The following DNAH10 variants were observed in gnomAD, a reference collection of about 807,000 sequenced individuals.
The protein encoded by DNAH10 is dynein axonemal heavy chain 10, also known as axonemal beta dynein heavy chain 10.
Under a neutral mutation model 506.6 loss-of-function variants are expected in DNAH10, and 348 were observed. The ratio of observed to expected loss-of-function variants is 0.69; its 90% CI spans 0.63 to 0.75. The LOEUF (loss-of-function observed/expected upper bound fraction) is 0.75, where lower values mean the gene tolerates loss of function less well. Among genes scored for constraint, DNAH10 ranks in the 30% least tolerant of loss-of-function variants. The probability of loss-of-function intolerance (pLI) is 0.00; values close to 1 mark genes in which losing one functional copy is unlikely to be tolerated. For missense variants in DNAH10, 5,179 were observed against 5,787.1 expected (o/e 0.89, Z 3.41); for synonymous variants, 2,059 against 2,198.6 (o/e 0.94, Z 1.78).
rs370366020 is a variant in DNAH10 at position 123,913,356 on chromosome 12, C to G, written c.10352+41C>G. The G allele has an allele frequency of 1.3e-6, 2 of 1,514,004 alleles. No homozygotes were observed. The highest frequency in any genetic ancestry group is 1.8e-6 in the Non-Finnish European group (2 of 1,127,330). 93.8% of individuals were successfully genotyped at this position (1,514,004 alleles called of 1,614,324 possible). On this transcript the variant is annotated intron_variant, in intron 60 of 78. Coordinates refer to ENST00000673944, the MANE Select transcript of DNAH10 (RefSeq NM_001372106.1). This position sits in a 1 kb window ranked among gnomAD's most constrained non-coding sequence, Gnocchi z 5.1. The stretch of plus-strand genomic sequence containing the variant: ...GAGCCCACCTGTTGCGGTTTGTAAA[C>G]GGACGTCACCCACAGAGTTTCTCGC...
intron 26 of DNAH10, 80 bp downstream of exon 26, chr12:123,830,779 C>CA: frequency 1.7e-6 from 2 of 1,158,888 alleles, no homozygotes; most frequent in Non-Finnish European, 2.3e-6. Flanking sequence ...CTCATCTATA[C>CA]TAAAAAAAAA....
At position 123,918,736 on chromosome 12, in the gene DNAH10, G is replaced by T. The variant is rs1378330635; in HGVS notation, c.11293G>T (p.Gly3765Cys). Residue 3765 changes from glycine (G) to cysteine (C), a missense_variant, in exon 65 of 79, where the codon GGC (glycine) becomes TGC (cysteine). Physicochemically the swap from Gly to Cys is radical, Grantham distance 159. This residue lies in a region of DNAH10 where 4,844 missense variants were observed against 5,430.5 expected (regional missense o/e 0.89). Coordinates refer to ENST00000673944, the MANE Select transcript of DNAH10 (RefSeq NM_001372106.1). ...CTTGGACATCGACAGGCTGCGGGAT[G>T]GCTACCGGCCAGCAGCCAGGAGGGG... ...TALDIDRLRD[G>C]YRPAARRGAI... The T allele has an allele frequency of 6.3e-7, 1 of 1,599,800 alleles. No individual in the cohort carries two copies. Among genetic ancestry groups the T allele is most frequent in the South Asian group, 1.1e-5 (1 of 90,246 alleles).
At chr12:123,803,972 C>A in intron 17 of DNAH10, 147 bp downstream of exon 17, 1 of 734,592 alleles carries the variant, frequency 1.4e-6, no homozygotes, top group Non-Finnish European at 2.1e-6. Flanking sequence ...TGCTCTCAGT[C>A]ATTTACTTGA....
At chr12:123,874,265 G>A (rs543826822) in intron 46 of DNAH10, among the ~76,000 whole-genome samples, 3,478 of 145,568 alleles carry the variant, frequency 0.024, 73 homozygotes, top group African/African-American at 0.062. Flanking sequence ...GAGTCCGTCC[G>A]TCCATCCATC....
chr12:123,784,408 A>T (rs1957774822), intron 8 of DNAH10, among the ~76,000 whole-genome samples: 1 of 152,076 alleles, frequency 6.6e-6, no homozygotes, highest in African/African-American at 2.4e-5. Flanking sequence ...TTAGCTGGGT[A>T]TGGTGGTGTG....
intron 72 of DNAH10, 92 bp from the exon 73 acceptor site, chr12:123,930,310 C>CT: frequency 3.1e-6 from 4 of 1,302,504 alleles, no homozygotes; most frequent in Non-Finnish European, 4.1e-6. Flanking sequence ...GCTGGAGTCT[C>CT]TTGACCCTGG....
At chr12:123,803,287 T>G (rs1013232814) in intron 16 of DNAH10, among the ~76,000 whole-genome samples, 5 of 152,212 alleles carry the variant, frequency 3.3e-5, no homozygotes, top group African/African-American at 1.2e-4. Flanking sequence ...ACTGTTCATG[T>G]TCTTGCTGTT....
chr12:123,894,607 C>T (rs1376792362), intron 53 of DNAH10, 36 bp from the exon 54 acceptor site: 2 of 1,593,728 alleles, frequency 1.3e-6, no homozygotes, highest in East Asian at 2.2e-5. Flanking sequence ...ATTGCCCAGG[C>T]TGGGAGCATC....
In DNAH10 at chr12:123,859,200, G is replaced by A. The variant is rs1265813129; in HGVS notation, c.6681G>A (p.Thr2227=). ...AGACCATGTTAACCCGCCACACGAC[G>A]ATGGTGGTGGGGCCCACCAGAGGGG... ...MFETMLTRHT[T]MVVGPTRGGK... The change falls in exon 38 of 79, where the codon ACG becomes ACA. Residue 2227 remains threonine, a synonymous_variant. Transcript: ENST00000673944. 2.5e-6 allele frequency: 4 copies of A among 1,612,332 alleles called. No individual in the cohort carries two copies. The highest frequency in any genetic ancestry group is 1.7e-5 in the Admixed American group (1 of 59,712).
Position 123,808,940 on chromosome 12 carries a change from T to C in DNAH10, c.3131T>C (p.Val1044Ala). The change falls in exon 19 of 79, where the codon GTG (valine) becomes GCG (alanine). Residue 1044 changes from valine (V) to alanine (A), a missense_variant. Physicochemically the swap from Val to Ala is moderately conservative, Grantham distance 64 (BLOSUM62 0). Transcript: ENST00000673944. Reference sequence around the variant, plus strand: ...TGCTTCCATTGTGTCCGGAATTGCGTGGAGATCACCAAGGTGAGAGCGGAG... The same window carrying C: ...TGCTTCCATTGTGTCCGGAATTGCGCGGAGATCACCAAGGTGAGAGCGGAG... The part of the protein sequence containing the change: ...KMCFHCVRNC[V>A]EITKHFVRWM... The C allele has an allele frequency of 1.2e-6, 2 of 1,614,066 alleles. No individual in the cohort carries two copies. Among genetic ancestry groups the C allele is most frequent in the Non-Finnish European group, 1.7e-6 (2 of 1,179,994 alleles).
chr12:123,916,074 CAGGGAGCAAAT>C lies in DNAH10; in HGVS notation c.10723-381_10723-371del, dbSNP rs1468057982. On this transcript the variant is annotated intron_variant, in intron 62 of 78. Coordinates refer to ENST00000673944, the MANE Select transcript of DNAH10 (RefSeq NM_001372106.1). The surrounding 1 kb of genome is among the most constrained non-coding windows in gnomAD (Gnocchi z 4.6). ...GCCTCCAAAATGCACATGGAGCTAT[CAGGGAGCAAAT>C]ACTATGAGGGCAGGAACTTTTCTAG... is the stretch of plus-strand genomic sequence containing the variant. 5.9e-5 allele frequency among the ~76,000 whole-genome samples: 9 copies of C among 152,278 alleles called. No individual in the cohort carries two copies. Among genetic ancestry groups the C allele is most frequent in the African/African-American group, 2.2e-4 (9 of 41,554 alleles).
rs1000516129 is a variant in DNAH10 at position 123,903,998 on chromosome 12, G to T, written c.9815+885G>T. On this transcript the variant is annotated intron_variant, in intron 57 of 78. Coordinates refer to ENST00000673944, the MANE Select transcript of DNAH10 (RefSeq NM_001372106.1). The surrounding 1 kb of genome is among the most constrained non-coding windows in gnomAD (Gnocchi z 4.6). ...CATTCTGGGCTCCCGCTGGAGCGGTGCATGTTCCCTGTGCTTCCTATTTCT... is the reference window on the plus strand; with the variant it reads ...CATTCTGGGCTCCCGCTGGAGCGGTTCATGTTCCCTGTGCTTCCTATTTCT... 1.3e-5 allele frequency among the ~76,000 whole-genome samples: 2 copies of T among 152,230 alleles called. No individual in the cohort carries two copies. The highest frequency in any genetic ancestry group is 2.4e-5 in the African/African-American group (1 of 41,452).
chr12:123,870,610 G>T, intron 44 of DNAH10, 125 bp downstream of exon 44: 1 of 1,362,878 alleles, frequency 7.3e-7, no homozygotes, highest in Non-Finnish European at 9.8e-7. Flanking sequence ...TGGTAGAGAA[G>T]AATTGAAGAG....
At chr12:123,803,518 G>A in intron 16 of DNAH10, 143 bp from the exon 17 acceptor site, 1 of 777,284 alleles carries the variant, frequency 1.3e-6, no homozygotes, top group Admixed American at 3.5e-5. Context: ...GTGGATCTTT[G>A]CCAGCCCAAA....
At chr12:123,821,647 T>A (rs1959417094) in intron 24 of DNAH10, among the ~76,000 whole-genome samples, 1 of 151,922 alleles carries the variant, frequency 6.6e-6, no homozygotes, top group Non-Finnish European at 1.5e-5. Context: ...ATTACATATT[T>A]TAAAATGATT....
Position 123,870,324 on chromosome 12 carries a change from C to T in DNAH10, c.7520-42C>T, listed in dbSNP as rs770994230. On this transcript the variant is annotated intron_variant, in intron 43 of 78. Transcript: ENST00000673944. The stretch of plus-strand genomic sequence containing the variant: ...TGTGCCAGAACTGCTTTTGTATTTC[C>T]GTGTTTATGATTCAAGTGAAATCAA... 2.8e-5 allele frequency: 44 copies of T among 1,594,546 alleles called. No homozygotes were observed. The Admixed American group carries it at 6.2e-4, about 22-fold the overall frequency.
intron 10 of DNAH10, among the ~76,000 whole-genome samples, chr12:123,789,446 C>A (rs751486041): frequency 1.3e-5 from 2 of 151,708 alleles, no homozygotes; most frequent in African/African-American, 4.8e-5. Context: ...TGCAGTGGTG[C>A]GATCTTGGCT....
rs1953939811 is a variant in DNAH10, at chr12:123,909,013, A to AT, written c.9816-244dup. Among the ~76,000 whole-genome samples, 1 of 152,124 alleles carries AT rather than the reference A, an allele frequency of 6.6e-6. No individual in the cohort carries two copies. Among genetic ancestry groups the AT allele is most frequent in the African/African-American group, 2.4e-5 (1 of 41,430 alleles). ...CGCTCCGGGGACGGCCTGGGTTTGTATTTTAATGCTGCCCCCGCACCATTC... is the reference window on the plus strand; with the variant it reads ...CGCTCCGGGGACGGCCTGGGTTTGTATTTTTAATGCTGCCCCCGCACCATTC... On this transcript the variant is annotated intron_variant, in intron 57 of 78. Coordinates refer to ENST00000673944, the MANE Select transcript of DNAH10 (RefSeq NM_001372106.1). This position sits in a 1 kb window ranked among gnomAD's most constrained non-coding sequence, Gnocchi z 5.4.
chr12:123,859,905 C>T (rs1951550331), intron 38 of DNAH10, among the ~76,000 whole-genome samples: 1 of 151,956 alleles, frequency 6.6e-6, no homozygotes. Context: ...GTGATGTGCA[C>T]CTGTAGTACA....
Sources: allele counts gnomAD v4.1 joint callset (sites outside exome capture counted in the v4.1 genomes callset), GRCh38; gene constraint gnomAD v4.1.1; regional missense constraint gnomAD v4.1.1; non-coding constraint Gnocchi (gnomAD v3.1); transcripts MANE v1.5; gene names NCBI Gene and HGNC (gene_info 2026-07-23, HGNC 2026-07-21).